SUPT3H: variants seen among roughly 807,000 people sequenced by gnomAD.
SUPT3H encodes the protein SPT3 homolog, SAGA and STAGA complex component, also known as transcription initiation protein SPT3 homolog.
In SUPT3H, 44 loss-of-function variants were observed where a neutral mutation model predicts 44.3. The observed-to-expected ratio is 0.99, with a 90% CI of 0.78 to 1.28. SUPT3H has a LOEUF of 1.28. SUPT3H is among the 50% of genes most tolerant of loss of function. The probability of loss-of-function intolerance (pLI) is 0.00; values close to 1 mark genes in which losing one functional copy is unlikely to be tolerated. For missense variants in SUPT3H, 380 were observed against 387.1 expected (o/e 0.98, Z 0.15); for synonymous variants, 124 against 125.6 (o/e 0.99, Z 0.09).
intron 2 of SUPT3H, among the ~76,000 whole-genome samples, chr6:45,356,955 T>G (rs1255686934): frequency 6.6e-6 from 1 of 152,210 alleles, no homozygotes; most frequent in Non-Finnish European, 1.5e-5. Flanking sequence ...AAATATTAAT[T>G]TCCTATCTAA....
At chr6:45,085,172 G>A (rs529652696) in intron 3 of SUPT3H, among the ~76,000 whole-genome samples, 1 of 152,018 alleles carries the variant, frequency 6.6e-6, no homozygotes, top group Non-Finnish European at 1.5e-5. Flanking sequence ...AAAAGAAAGT[G>A]CAAACATCTA....
chr6:45,071,136 T>C (rs1794318936), intron 3 of SUPT3H, among the ~76,000 whole-genome samples: 1 of 152,168 alleles, frequency 6.6e-6, no homozygotes, highest in Non-Finnish European at 1.5e-5. Flanking sequence ...ATATGTATCT[T>C]CATTTCAGGC....
downstream of SUPT3H, among the ~76,000 whole-genome samples, chr6:44,823,777 CAT>C (rs569911561): frequency 2.8e-4 from 42 of 152,186 alleles, 2 homozygotes; most frequent in African/African-American, 8.4e-4. Flanking sequence ...ACCTGGCCAA[CAT>C]AGTGAAACCC....
chr6:44,947,109 T>A (rs1773471793), intron 9 of SUPT3H, among the ~76,000 whole-genome samples: 1 of 152,196 alleles, frequency 6.6e-6, no homozygotes, highest in Non-Finnish European at 1.5e-5. Context: ...ATTTTAAAAT[T>A]AAGGTATGTA....
In SUPT3H at chr6:44,915,941, C is replaced by T. The variant is rs569068068; in HGVS notation, c.912+16712G>A. Among the ~76,000 whole-genome samples, 23 of 152,210 alleles carry T rather than the reference C, an allele frequency of 1.5e-4. 1 individual carries two copies. Among genetic ancestry groups the T allele is most frequent in the Middle Eastern group, 6.8e-3 (2 of 294 alleles). On this transcript the variant is annotated intron_variant, in intron 10 of 10. Transcript: ENST00000371459. ...ACCTCCCAAGGGCTGCATCATGGGC[C>T]GTGGTTACTCATATTTGGCTCAGAA...
intron 3 of SUPT3H, among the ~76,000 whole-genome samples, chr6:45,068,813 C>T (rs955669756): frequency 6.6e-6 from 1 of 152,046 alleles, no homozygotes; most frequent in African/African-American, 2.4e-5. Flanking sequence ...TGTTGCCACA[C>T]TTTAACCAGC....
chr6:45,152,530 T>C (rs1807115159), intron 2 of SUPT3H, among the ~76,000 whole-genome samples: 2 of 152,138 alleles, frequency 1.3e-5, no homozygotes, highest in Non-Finnish European at 2.9e-5. Flanking sequence ...CTCATTCTCT[T>C]GCCCAGGCTA....
intron 2 of SUPT3H, among the ~76,000 whole-genome samples, chr6:45,350,113 A>G (rs1791711014): frequency 6.6e-6 from 1 of 152,224 alleles, no homozygotes; most frequent in African/African-American, 2.4e-5. Flanking sequence ...CTACAAAAAC[A>G]AAAGTATTTC....
chr6:45,127,698 A>C (rs754625098), intron 2 of SUPT3H, among the ~76,000 whole-genome samples: 1 of 152,132 alleles, frequency 6.6e-6, no homozygotes, highest in African/African-American at 2.4e-5. Context: ...TCTGTTTTCT[A>C]TCTCGCTGAT....
intron 10 of SUPT3H, among the ~76,000 whole-genome samples, chr6:44,843,038 T>C (rs568056940): frequency 1.3e-5 from 2 of 152,236 alleles, no homozygotes; most frequent in Admixed American, 6.5e-5. Context: ...ATATCCAATA[T>C]TTCTAGAAAT....
intron 4 of SUPT3H, among the ~76,000 whole-genome samples, chr6:45,016,499 C>A (rs1291075641): frequency 9.3e-6 from 1 of 107,720 alleles, no homozygotes; most frequent in Non-Finnish European, 1.8e-5. Context: ...CCCCCTCCCC[C>A]CACCCCACAA....
In SUPT3H at chr6:45,092,410, T is replaced by G. The variant is rs113649342; in HGVS notation, c.186+13512A>C. On this transcript the variant is annotated intron_variant, in intron 3 of 10. Transcript: ENST00000371459. Reference sequence around the variant, plus strand: ...TGAAGATGTTTTCTTAAGCCTTTTCTAGTTGACACATTTATTTAATAGACT... The same window carrying G: ...TGAAGATGTTTTCTTAAGCCTTTTCGAGTTGACACATTTATTTAATAGACT... Among the ~76,000 whole-genome samples the G allele has an allele frequency of 8.0e-3, 1,219 of 152,294 alleles. 25 individuals are homozygous for G. The highest frequency in any genetic ancestry group is 0.028 in the African/African-American group (1,150 of 41,570).
chr6:44,854,929 C>T (rs1238000607), intron 10 of SUPT3H, among the ~76,000 whole-genome samples: 2 of 152,204 alleles, frequency 1.3e-5, no homozygotes, highest in East Asian at 1.9e-4. Context: ...AGAGATAAAA[C>T]ATAGAATTTC....
intron 2 of SUPT3H, among the ~76,000 whole-genome samples, chr6:45,291,027 C>CT (rs1352285041): frequency 6.6e-6 from 1 of 152,132 alleles, no homozygotes; most frequent in East Asian, 1.9e-4. Flanking sequence ...CACAGACCCC[C>CT]TGAAGGAAGC....
chr6:45,003,243 T>TA (rs1253465657), intron 6 of SUPT3H, among the ~76,000 whole-genome samples: 1 of 152,172 alleles, frequency 6.6e-6, no homozygotes, highest in East Asian at 1.9e-4. Context: ...CCTGCAACTA[T>TA]AGCCAGAAGA....
chr6:45,214,190 C>T (rs1331062881), intron 2 of SUPT3H, among the ~76,000 whole-genome samples: 4 of 151,820 alleles, frequency 2.6e-5, no homozygotes, highest in Admixed American at 2.0e-4. Context: ...CAGTTTTCTA[C>T]AACACCTTAT....
chr6:45,113,654 C>T (rs1359748908), intron 2 of SUPT3H, among the ~76,000 whole-genome samples: 1 of 151,786 alleles, frequency 6.6e-6, no homozygotes, highest in Non-Finnish European at 1.5e-5. Flanking sequence ...GGTGAAACCC[C>T]ATCTCTACTA....
At chr6:45,231,690 C>T (rs189934241) in intron 2 of SUPT3H, among the ~76,000 whole-genome samples, 27 of 152,270 alleles carry the variant, frequency 1.8e-4, no homozygotes, top group African/African-American at 6.5e-4. Flanking sequence ...AGTTTCCGAA[C>T]CCCTTCATTC....
intron 6 of SUPT3H, among the ~76,000 whole-genome samples, chr6:45,001,920 T>C (rs1403656937): frequency 6.6e-6 from 1 of 152,120 alleles, no homozygotes; most frequent in African/African-American, 2.4e-5. Flanking sequence ...AGTTCCACTT[T>C]CTACTGTCTA....
Sources: gnomAD v4.1 joint callset for allele counts (sites outside exome capture counted in the v4.1 genomes callset) on GRCh38, gnomAD v4.1.1 for gene constraint, MANE v1.5 for transcripts, NCBI Gene and HGNC (gene_info 2026-07-23, HGNC 2026-07-21) for gene names.